Variants in TARS3 observed in about 807,000 individuals in gnomAD.
TARS3 encodes threonine--tRNA ligase 2, cytoplasmic.
A neutral mutation model predicts 103.5 loss-of-function variants in TARS3; 94 were observed. The observed-to-expected ratio is 0.91, with a 90% CI of 0.77 to 1.08. The LOEUF is 1.08. Ranked by LOEUF, TARS3 falls within the 50% of genes least tolerant of loss-of-function variation. The pLI, the probability that TARS3 is intolerant of heterozygous loss-of-function variation, is 0.00. For synonymous variants in TARS3, 416 were observed against 355.4 expected (o/e 1.17, Z -1.92); for missense variants, 952 against 995.2 (o/e 0.96, Z 0.58).
At chr15:101,708,676 A>C (rs889757578) in intron 6 of TARS3, 117 bp downstream of exon 6, 1 of 749,556 alleles carries the variant, frequency 1.3e-6, no homozygotes, top group Non-Finnish European at 2.3e-6. Context: ...ACAGTAGCTT[A>C]ACAGGATTGG....
chr15:101,724,291 T>C lies in TARS3; in HGVS notation c.97A>G (p.Arg33Gly). ...TAGGGCGCGTTCAGCTGCTCGTCCC[T>C]CAGGCGCTCGACCTCCGACCACAGC... ...RWLWSEVERLRDEQLNAPYSC... is the reference protein window; with the variant it reads ...RWLWSEVERLGDEQLNAPYSC... Residue 33 changes from arginine (R) to glycine (G), a missense_variant, in exon 1 of 19, where the codon AGG becomes GGG. Transcript: ENST00000335968. 1 of 1,573,880 alleles carries C rather than the reference T, an allele frequency of 6.4e-7. No homozygotes were observed. The highest frequency in any genetic ancestry group is 8.6e-7 in the Non-Finnish European group (1 of 1,166,436).
intron 10 of TARS3, among the ~76,000 whole-genome samples, chr15:101,694,595 G>T (rs1286215489): frequency 6.6e-6 from 1 of 151,988 alleles, no homozygotes; most frequent in Non-Finnish European, 1.5e-5. Context: ...AGGGCAGAGA[G>T]GAAAAAAGAC....
At chr15:101,656,094 G>A (rs1348840515) in intron 18 of TARS3, 4 of 1,264,416 alleles carry the variant, frequency 3.2e-6, no homozygotes, top group African/African-American at 1.5e-5. Context: ...ACGAGAAATG[G>A]GGAGAAATAC....
At chr15:101,656,003 C>A (rs1897187368) in intron 18 of TARS3, 1 of 1,289,204 alleles carries the variant, frequency 7.8e-7, no homozygotes, top group South Asian at 1.2e-5. Flanking sequence ...TCTTGCCACA[C>A]AGAAGGAAGA....
intron 3 of TARS3, among the ~76,000 whole-genome samples, chr15:101,715,712 C>A (rs888108688): frequency 2.0e-5 from 3 of 152,172 alleles, no homozygotes; most frequent in Non-Finnish European, 2.9e-5. Flanking sequence ...GAAGCCTCCA[C>A]TGCTGCACAC....
chr15:101,661,041 T>A (rs1057250550), intron 16 of TARS3, among the ~76,000 whole-genome samples: 1 of 151,796 alleles, frequency 6.6e-6, no homozygotes, highest in South Asian at 2.1e-4. Context: ...AACTAGAGCC[T>A]GTGCATCCAT....
intron 7 of TARS3, among the ~76,000 whole-genome samples, chr15:101,705,017 A>C (rs903371377): frequency 6.6e-6 from 1 of 152,226 alleles, no homozygotes; most frequent in Non-Finnish European, 1.5e-5. Flanking sequence ...AGGTCTTCTA[A>C]GGCGGTACTG....
chr15:101,706,583 A>C (rs896453705), intron 6 of TARS3, among the ~76,000 whole-genome samples: 3 of 152,220 alleles, frequency 2.0e-5, no homozygotes, highest in African/African-American at 7.2e-5. Context: ...TTTAACATTA[A>C]TCAATAAAAT....
intron 3 of TARS3, among the ~76,000 whole-genome samples, chr15:101,720,297 A>AATAGCTTCTATT (rs987919848): frequency 2.6e-5 from 4 of 152,204 alleles, no homozygotes; most frequent in African/African-American, 9.6e-5. Flanking sequence ...GTATTTATAC[A>AATAGCTTCTATT]ATAGCTTCTA....
chr15:101,684,181 TCAG>T lies in TARS3; in HGVS notation c.1541_1543del (p.Ala514del). 6.2e-6 allele frequency: 10 copies of T among 1,613,986 alleles called. No individual in the cohort carries two copies. The highest frequency in any genetic ancestry group is 8.5e-6 in the Non-Finnish European group (10 of 1,179,940). On this transcript the variant is annotated inframe_deletion, in exon 12 of 19. Coordinates refer to ENST00000335968, the MANE Select transcript of TARS3 (RefSeq NM_152334.3). ...TTCATTTCTATGCAGAACTCCAAAA[TCAG>T]CAAATCTAATAGGCATTTCCCTCCA...
chr15:101,656,036 A>G (rs914098596), intron 18 of TARS3: 1 of 1,289,092 alleles, frequency 7.8e-7, no homozygotes, highest in Non-Finnish European at 1.0e-6. Flanking sequence ...GATAAGTGGA[A>G]TAAGGTAGAT....
Position 101,713,583 on chromosome 15 carries a change from T to C in TARS3, c.690+1257A>G, listed in dbSNP as rs1899975844. Among the ~76,000 whole-genome samples the C allele has an allele frequency of 2.0e-5, 3 of 152,272 alleles. No individual in the cohort carries two copies. In the South Asian group the frequency reaches 6.2e-4, roughly 32 times the overall value. On this transcript the variant is annotated intron_variant, in intron 4 of 18. Transcript: ENST00000335968. Reference sequence around the variant, plus strand: ...TTTAGGAAGTAAAATCTACTGGGCTTACCCCTCACTGGAGATGGAGTTGAG... The same window carrying C: ...TTTAGGAAGTAAAATCTACTGGGCTCACCCCTCACTGGAGATGGAGTTGAG...
At chr15:101,667,396 AGC>A (rs1339743035) in intron 15 of TARS3, among the ~76,000 whole-genome samples, 1 of 152,182 alleles carries the variant, frequency 6.6e-6, no homozygotes, top group Non-Finnish European at 1.5e-5. Flanking sequence ...TTTCCTTTCT[AGC>A]TATGAAAGTC....
At chr15:101,655,066 C>T (rs1157419777) in intron 18 of TARS3, among the ~76,000 whole-genome samples, 2 of 151,154 alleles carry the variant, frequency 1.3e-5, no homozygotes. Context: ...CCACCTGGCA[C>T]TAGGGCGCAA....
intron 12 of TARS3, among the ~76,000 whole-genome samples, chr15:101,678,975 C>G (rs1418602926): frequency 6.6e-6 from 1 of 152,088 alleles, no homozygotes; most frequent in Non-Finnish European, 1.5e-5. Flanking sequence ...CTTCTGGCCT[C>G]CAGGATTTTT....
Position 101,705,669 on chromosome 15 carries a change from GT to G in TARS3, c.995+13del. On this transcript the variant is annotated intron_variant, in intron 7 of 18. Coordinates refer to ENST00000335968, the MANE Select transcript of TARS3 (RefSeq NM_152334.3). ...TTTACCACTGAGCAGCGTTTACCAT[GT>G]GTGGACACAAACCTGTACACGGTGG... 1 of 1,607,016 alleles carries G rather than the reference GT, an allele frequency of 6.2e-7. No individual in the cohort carries two copies. Among genetic ancestry groups the G allele is most frequent in the Non-Finnish European group, 8.5e-7 (1 of 1,175,382 alleles).
intron 6 of TARS3, 89 bp from the exon 7 acceptor site, chr15:101,705,836 T>G: frequency 1.8e-6 from 2 of 1,091,056 alleles, no homozygotes; most frequent in Non-Finnish European, 2.7e-6. Flanking sequence ...CATTGAAAGG[T>G]CATCTACTGA....
At chr15:101,661,592 T>G (rs1431180901) in intron 16 of TARS3, 120 bp downstream of exon 16, 6 of 628,420 alleles carry the variant, frequency 9.5e-6, no homozygotes, top group Non-Finnish European at 1.6e-5. Flanking sequence ...TTGTTACTAC[T>G]TTTTTCTTTT....
chr15:101,661,705 CACTT>C lies in TARS3; in HGVS notation c.2072+3_2072+6del. 1 of 1,556,428 alleles carries C rather than the reference CACTT, an allele frequency of 6.4e-7. No homozygotes were observed. Among genetic ancestry groups the C allele is most frequent in the Non-Finnish European group, 8.8e-7 (1 of 1,133,384 alleles). On this transcript the variant is annotated splice_donor_5th_base_variant and intron_variant, in intron 16 of 18. Coordinates refer to ENST00000335968, the MANE Select transcript of TARS3 (RefSeq NM_152334.3). ...GACATATAGTTTTTCTTTTCCATAT[CACTT>C]ACCATTTTCCGCCATAGTTTTCTGA... is the stretch of plus-strand genomic sequence containing the variant.
Sources: allele counts gnomAD v4.1 joint callset (sites outside exome capture counted in the v4.1 genomes callset), GRCh38; gene constraint gnomAD v4.1.1; transcripts MANE v1.5; gene names NCBI Gene and HGNC (gene_info 2026-07-23, HGNC 2026-07-21).